Variants in SYNE1 observed in about 807,000 individuals in gnomAD.
The protein encoded by SYNE1 is nesprin-1.
A neutral mutation model predicts 1,111.0 loss-of-function variants in SYNE1; 616 were observed. The observed-to-expected ratio is 0.55, with a 90% CI of 0.52 to 0.59. The LOEUF (loss-of-function observed/expected upper bound fraction) is 0.59. Among genes scored for constraint, SYNE1 ranks in the 20% least tolerant of loss-of-function variants. The probability of loss-of-function intolerance (pLI) is 0.00; values close to 1 mark genes in which losing one functional copy is unlikely to be tolerated. For missense variants in SYNE1, 10,006 were observed against 10,417.0 expected (o/e 0.96, Z 1.72); for synonymous variants, 3,855 against 3,825.8 (o/e 1.01, Z -0.28).
chr6:152,581,148 C>T (rs1220888093), intron 3 of SYNE1, among the ~76,000 whole-genome samples: 1 of 152,178 alleles, frequency 6.6e-6, no homozygotes, highest in Non-Finnish European at 1.5e-5. Context: ...CCTGAGAATG[C>T]CCTCAACATA....
chr6:152,211,864 A>G (rs577987366), intron 123 of SYNE1, among the ~76,000 whole-genome samples: 50 of 152,282 alleles, frequency 3.3e-4, no homozygotes, highest in Non-Finnish European at 6.3e-4. Context: ...CACCTAATAA[A>G]GTAAGTTAAT....
chr6:152,515,810 T>C (rs1339668271), intron 6 of SYNE1, among the ~76,000 whole-genome samples: 1 of 152,228 alleles, frequency 6.6e-6, no homozygotes, highest in East Asian at 1.9e-4. Flanking sequence ...TGGTGATGAA[T>C]CTGTTCACCA....
chr6:152,574,987 T>C (rs536037690), intron 3 of SYNE1, among the ~76,000 whole-genome samples: 12 of 152,346 alleles, frequency 7.9e-5, no homozygotes, highest in African/African-American at 2.6e-4. Context: ...TTTAAGAGAA[T>C]AACCATTGGA....
intron 9 of SYNE1, among the ~76,000 whole-genome samples, chr6:152,504,160 C>A (rs892138497): frequency 6.6e-6 from 1 of 152,088 alleles, no homozygotes; most frequent in African/African-American, 2.4e-5. Flanking sequence ...CCTCTGAAGT[C>A]GATGGCTGGA....
rs1208343188 is a variant in SYNE1 at position 152,455,728 on chromosome 6, A to C, written c.2728-138T>G. The C allele has an allele frequency of 2.9e-6, 4 of 1,365,242 alleles. No individual in the cohort carries two copies. The South Asian group carries it at 4.9e-5, about 17-fold the overall frequency. 84.6% of individuals were successfully genotyped at this position (1,365,242 alleles called of 1,614,324 possible). ...TCATGGGAATAATTAACTCTTTTCAATATTAATTAATATTAGGTAAAAAAG... is the reference window on the plus strand; with the variant it reads ...TCATGGGAATAATTAACTCTTTTCACTATTAATTAATATTAGGTAAAAAAG... On this transcript the variant is annotated intron_variant, in intron 23 of 145. Coordinates refer to ENST00000367255, the MANE Select transcript of SYNE1 (RefSeq NM_182961.4).
Position 152,628,548 on chromosome 6 carries a change from C to G in SYNE1, c.-217G>C. ...TTAAGACTGTCCTCTTACATGAACT[C>G]AAGAACCTGAAAAACAAAAAAGAAA... is the stretch of plus-strand genomic sequence containing the variant. On this transcript the variant is annotated 5_prime_UTR_variant, in exon 3 of 146. Coordinates refer to ENST00000367255, the MANE Select transcript of SYNE1 (RefSeq NM_182961.4). The G allele has an allele frequency of 1.8e-6, 1 of 557,832 alleles. No individual in the cohort carries two copies. The highest frequency in any genetic ancestry group is 3.2e-6 in the Non-Finnish European group (1 of 314,104). The allele number at this position is 557,832 out of a possible 1,614,324, so 34.6% of individuals were successfully genotyped here.
intron 21 of SYNE1, 121 bp from the exon 22 acceptor site, chr6:152,459,051 T>C: frequency 1.1e-6 from 1 of 875,180 alleles, no homozygotes; most frequent in Non-Finnish European, 1.9e-6. Flanking sequence ...CTTACAAATA[T>C]CCAAAGACAT....
chr6:152,455,341 C>G, intron 24 of SYNE1, 85 bp downstream of exon 24: 1 of 1,449,656 alleles, frequency 6.9e-7, no homozygotes, highest in South Asian at 1.3e-5. Flanking sequence ...CCTTCTGTAT[C>G]AGATCAGCAT....
At chr6:152,514,831 C>T (rs554995883) in intron 6 of SYNE1, among the ~76,000 whole-genome samples, 39 of 152,116 alleles carry the variant, frequency 2.6e-4, no homozygotes, top group African/African-American at 9.2e-4. Context: ...GCCTCCAAAA[C>T]GCTGACAAAA....
chr6:152,430,616 A>C lies in SYNE1; in HGVS notation c.4555T>G (p.Ser1519Ala), dbSNP rs779059237. The change falls in exon 35 of 146, where the codon TCT becomes GCT. Residue 1519 changes from serine (S) to alanine (A), a missense_variant. This residue lies in a region of SYNE1 where 1,971 missense variants were observed against 2,084.1 expected (regional missense o/e 0.95). Transcript: ENST00000367255. ...GTCAACTTGGCTTTAATTCGAGCAG[A>C]TTCTCCAGTGGTAACAAACTGAGCA... ...SFAQFVTTGE[S>A]ARIKAKLTQI... is the part of the protein sequence containing the mutation. 1 of 1,614,132 alleles carries C rather than the reference A, an allele frequency of 6.2e-7. No individual in the cohort carries two copies.
intron 56 of SYNE1, 56 bp from the exon 57 acceptor site, chr6:152,376,968 T>A: frequency 6.3e-7 from 1 of 1,594,814 alleles, no homozygotes; most frequent in Non-Finnish European, 8.6e-7. Flanking sequence ...GATCTCCATA[T>A]CTTCACACTA....
intron 128 of SYNE1, among the ~76,000 whole-genome samples, chr6:152,181,788 CAT>C (rs777987835): frequency 2.0e-5 from 3 of 152,130 alleles, no homozygotes; most frequent in Admixed American, 6.5e-5. Context: ...TGTATGAACA[CAT>C]GTTTTCATTT....
Position 152,310,877 on chromosome 6 carries a change from G to A in SYNE1, c.16711-4C>T. 1 of 1,613,306 alleles carries A rather than the reference G, an allele frequency of 6.2e-7. No individual in the cohort carries two copies. Among genetic ancestry groups the A allele is most frequent in the South Asian group, 1.1e-5 (1 of 90,932 alleles). On this transcript the variant is annotated splice_polypyrimidine_tract_variant and splice_region_variant and intron_variant, in intron 87 of 145. Coordinates refer to ENST00000367255, the MANE Select transcript of SYNE1 (RefSeq NM_182961.4). ...CTTTGGATTCTTCTAGCAGGGTCTA[G>A]AGTGAATTGTCAATATTCATGACAT...
intron 40 of SYNE1, 27 bp from the exon 41 acceptor site, chr6:152,417,042 T>C: frequency 6.2e-7 from 1 of 1,612,572 alleles, no homozygotes; most frequent in East Asian, 2.2e-5. Flanking sequence ...AGTTATTGAT[T>C]CCTGAGATAC....
chr6:152,278,181 C>T lies in SYNE1; in HGVS notation c.18481G>A (p.Glu6161Lys), dbSNP rs780193175. 1.9e-6 allele frequency: 3 copies of T among 1,614,062 alleles called. No individual in the cohort carries two copies. Among genetic ancestry groups the T allele is most frequent in the Admixed American group, 3.3e-5 (2 of 60,004 alleles). The change falls in exon 98 of 146, where the codon GAG (glutamate) becomes AAG (lysine). Residue 6161 changes from glutamate (E) to lysine (K), a missense_variant. Around this residue, in one of 7 missense-constraint regions of SYNE1, gnomAD observed 99 missense variants for 147.8 expected, o/e 0.67. Transcript: ENST00000367255. ...LLEGKAHTKD[E>K]AEQLAGKLRR... ...AGCTTTCCAGCCAGCTGCTCGGCCTCGTCCTTGGTGTGAGCTTTGCCCTCC... is the reference window on the plus strand; with the variant it reads ...AGCTTTCCAGCCAGCTGCTCGGCCTTGTCCTTGGTGTGAGCTTTGCCCTCC...
rs767063118 is a variant in SYNE1, at chr6:152,269,290, C to G, written c.18574-4G>C. On this transcript the variant is annotated splice_polypyrimidine_tract_variant and splice_region_variant and intron_variant, in intron 98 of 145. Transcript: ENST00000367255. ...CCTCCTTCTCCTGTGCTGTTCCCTGCTTTTAACGAGGCAGAAATCAAGTCA... is the reference window on the plus strand; with the variant it reads ...CCTCCTTCTCCTGTGCTGTTCCCTGGTTTTAACGAGGCAGAAATCAAGTCA... 2.9e-5 allele frequency: 46 copies of G among 1,614,002 alleles called. No individual in the cohort carries two copies. The highest frequency in any genetic ancestry group is 3.9e-5 in the Non-Finnish European group (46 of 1,180,048).
intron 14 of SYNE1, among the ~76,000 whole-genome samples, chr6:152,482,226 GC>G (rs771472692): frequency 6.6e-6 from 1 of 152,074 alleles, no homozygotes; most frequent in Non-Finnish European, 1.5e-5. Flanking sequence ...CAAAAGTAAA[GC>G]CCCAGAGAGG....
intron 134 of SYNE1, 124 bp downstream of exon 134, chr6:152,151,835 C>T: frequency 1.3e-6 from 2 of 1,482,672 alleles, no homozygotes; most frequent in Non-Finnish European, 1.8e-6. Flanking sequence ...CTATATCACT[C>T]CCCGGTTTAC....
At chr6:152,169,418 T>G (rs986958804) in intron 130 of SYNE1, among the ~76,000 whole-genome samples, 7 of 151,282 alleles carry the variant, frequency 4.6e-5, no homozygotes, top group African/African-American at 1.7e-4. Context: ...AAAAATTAGC[T>G]GGGCGTGGTG....
Sources: gnomAD v4.1 joint callset for allele counts (sites outside exome capture counted in the v4.1 genomes callset) on GRCh38, gnomAD v4.1.1 for gene constraint, gnomAD v4.1.1 regional missense constraint, MANE v1.5 for transcripts, NCBI Gene and HGNC (gene_info 2026-07-23, HGNC 2026-07-21) for gene names.